The following OR1F1 variants were observed in gnomAD, a reference collection of about 807,000 sequenced individuals.
OR1F1 encodes the protein olfactory receptor 1F1.
For missense variants in OR1F1, 493 were observed against 376.3 expected, an observed-to-expected ratio of 1.31 and a Z score of -2.57; for synonymous variants, 184 against 156.7, an observed-to-expected ratio of 1.17 and a Z score of -1.30.
At chr16:3,198,830 A>G in the OR1F1 span, among the ~76,000 whole-genome samples, 1 of 152,050 alleles carries the variant, frequency 6.6e-6, no homozygotes, top group Non-Finnish European at 1.5e-5. Context: ...TCTACAAAAA[A>G]TACAAAAATT....
the OR1F1 span, among the ~76,000 whole-genome samples, chr16:3,193,046 C>T: frequency 4.3e-4 from 65 of 152,296 alleles, 2 homozygotes; most frequent in African/African-American, 1.5e-3. Flanking sequence ...AAGCGATTTT[C>T]CTGTCTCAGC....
the OR1F1 span, among the ~76,000 whole-genome samples, chr16:3,191,565 C>T: frequency 3.3e-5 from 5 of 151,922 alleles, no homozygotes; most frequent in African/African-American, 9.7e-5. Context: ...TCGAGCCCCA[C>T]GTTGGGCGAC....
At chr16:3,195,221 G>A in the OR1F1 span, among the ~76,000 whole-genome samples, 9 of 152,248 alleles carry the variant, frequency 5.9e-5, no homozygotes, top group African/African-American at 2.2e-4. Flanking sequence ...ACGGAAACAG[G>A]AGAGAATCCT....
chr16:3,190,765 A>G, the OR1F1 span, among the ~76,000 whole-genome samples: 1 of 151,662 alleles, frequency 6.6e-6, no homozygotes, highest in Admixed American at 6.6e-5. Context: ...AAAAAAAAAA[A>G]AAAGACCGCA....
At chr16:3,195,279 A>AAAAAG in the OR1F1 span, among the ~76,000 whole-genome samples, 13 of 152,258 alleles carry the variant, frequency 8.5e-5, no homozygotes, top group Non-Finnish European at 1.3e-4. Flanking sequence ...TTACTATTAA[A>AAAAAG]AAAAGAAAAG....
chr16:3,203,492 G>A (rs563289028), upstream of OR1F1, among the ~76,000 whole-genome samples: 3 of 152,360 alleles, frequency 2.0e-5, no homozygotes, highest in East Asian at 3.9e-4. Context: ...TTGGCCAGGT[G>A]TGGTGGCTCA....
chr16:3,196,205 G>A, the OR1F1 span, among the ~76,000 whole-genome samples: 1 of 152,202 alleles, frequency 6.6e-6, no homozygotes, highest in East Asian at 1.9e-4. Context: ...AGGGTCGTGG[G>A]TTTGAGCCCT....
the OR1F1 span, among the ~76,000 whole-genome samples, chr16:3,194,928 C>G: frequency 6.6e-6 from 1 of 152,212 alleles, no homozygotes; most frequent in Non-Finnish European, 1.5e-5. Context: ...TCTTCTGTGA[C>G]TTCTGATAGT....
chr16:3,193,643 G>A, the OR1F1 span, among the ~76,000 whole-genome samples: 1 of 152,122 alleles, frequency 6.6e-6, no homozygotes, highest in Non-Finnish European at 1.5e-5. Flanking sequence ...CGTCGCCCAG[G>A]CTGGAGTGCA....
chr16:3,195,676 CAAAAAAA>C, the OR1F1 span, among the ~76,000 whole-genome samples: 1 of 99,304 alleles, frequency 1.0e-5, no homozygotes, highest in African/African-American at 3.6e-5. Flanking sequence ...GAGTGGAACT[CAAAAAAA>C]AAAAAAAAAA....
exon 1 of OR1F1, chr16:3,204,397 A>G (rs926962808): frequency 3.1e-6 from 5 of 1,614,048 alleles, no homozygotes; most frequent in South Asian, 1.1e-5. Context: ...GTCCGTAAGC[A>G]TAGACTCCTG....
the OR1F1 span, among the ~76,000 whole-genome samples, chr16:3,190,923 G>T: frequency 2.6e-5 from 4 of 152,158 alleles, no homozygotes; most frequent in Non-Finnish European, 5.9e-5. Flanking sequence ...CGGGACCTAT[G>T]TAAAATGCTC....
At chr16:3,194,096 C>T in the OR1F1 span, among the ~76,000 whole-genome samples, 31,077 of 152,078 alleles carry the variant, frequency 0.2, 3,349 homozygotes, top group Non-Finnish European at 0.24. Context: ...TAAGAAGAAA[C>T]GGCATGAATT....
chr16:3,191,355 C>T, the OR1F1 span: 1 of 152,198 alleles, frequency 6.6e-6, no homozygotes, highest in African/African-American at 2.4e-5. Flanking sequence ...AAGTCTTGCA[C>T]CAGCGGGGAT....
chr16:3,189,698 A>T, the OR1F1 span: 1 of 152,132 alleles, frequency 6.6e-6, no homozygotes, highest in African/African-American at 2.4e-5. Flanking sequence ...CAAATCCCGG[A>T]CGAGCCCGGC....
chr16:3,189,626 A>G, the OR1F1 span: 1 of 152,126 alleles, frequency 6.6e-6, no homozygotes, highest in Non-Finnish European at 1.5e-5. Flanking sequence ...TTAATGCGTA[A>G]ATCGTGTGGC....
chr16:3,202,820 C>T (rs1958150356), upstream of OR1F1, among the ~76,000 whole-genome samples: 1 of 151,952 alleles, frequency 6.6e-6, no homozygotes, highest in Non-Finnish European at 1.5e-5. Context: ...TTATTACAAC[C>T]CTACAAGGTG....
At chr16:3,198,498 C>T in the OR1F1 span, among the ~76,000 whole-genome samples, 2 of 152,112 alleles carry the variant, frequency 1.3e-5, no homozygotes, top group East Asian at 1.9e-4. Context: ...GGAATCAACA[C>T]AGTTCTGTAC....
the OR1F1 span, among the ~76,000 whole-genome samples, chr16:3,189,183 T>C: frequency 6.6e-6 from 1 of 152,194 alleles, no homozygotes; most frequent in Non-Finnish European, 1.5e-5. Flanking sequence ...AGCTGGTGTC[T>C]CGTGCACTCC....
Sources: allele counts gnomAD v4.1 joint callset (sites outside exome capture counted in the v4.1 genomes callset), GRCh38; gene constraint gnomAD v4.1.1; transcripts MANE v1.5; gene names NCBI Gene and HGNC (gene_info 2026-07-23, HGNC 2026-07-21).